Variants in TTC28 observed in about 807,000 individuals in gnomAD.
TTC28 encodes tetratricopeptide repeat domain 28.
A neutral mutation model predicts 198.0 loss-of-function variants in TTC28; 61 were observed. That is an observed-to-expected ratio of 0.31 (90% CI 0.25 to 0.38). The LOEUF (loss-of-function observed/expected upper bound fraction) is 0.38, where lower values mean the gene tolerates loss of function less well. Ranked by LOEUF, TTC28 falls within the 10% of genes least tolerant of loss-of-function variation. The pLI is 1.00. For missense variants in TTC28, 2,678 were observed against 3,164.0 expected, an observed-to-expected ratio of 0.85 and a Z score of 3.69; for synonymous variants, 1,171 against 1,297.8, an observed-to-expected ratio of 0.90 and a Z score of 2.10.
intron 2 of TTC28, among the ~76,000 whole-genome samples, chr22:28,559,385 T>G (rs2049835320): frequency 6.6e-6 from 1 of 152,216 alleles, no homozygotes; most frequent in East Asian, 1.9e-4. Flanking sequence ...ATTTACTCAT[T>G]CGAGTACTAT....
At chr22:28,649,802 A>G (rs1326580081) in intron 1 of TTC28, among the ~76,000 whole-genome samples, 1 of 152,234 alleles carries the variant, frequency 6.6e-6, no homozygotes, top group African/African-American at 2.4e-5. Flanking sequence ...CAACCAAGTT[A>G]CAAATACATG....
chr22:28,199,695 T>C lies in TTC28; in HGVS notation c.934-36096A>G, dbSNP rs963183073. Among the ~76,000 whole-genome samples, 4 of 151,760 alleles carry C rather than the reference T, an allele frequency of 2.6e-5. No homozygotes were observed. In the East Asian group the frequency reaches 5.8e-4, roughly 22 times the overall value. ...ACATTTTGGGCCAGACAGTTATCTG[T>C]AGCAGGAGATGTGTGGAGAGTTCTG... On this transcript the variant is annotated intron_variant, in intron 5 of 22. Coordinates refer to ENST00000397906, the MANE Select transcript of TTC28 (RefSeq NM_001145418.2).
At chr22:28,592,815 C>G (rs1555898633) in intron 2 of TTC28, among the ~76,000 whole-genome samples, 1 of 152,112 alleles carries the variant, frequency 6.6e-6, no homozygotes, top group Non-Finnish European at 1.5e-5. Context: ...AAAACCTACC[C>G]TTTTCTTAGA....
intron 2 of TTC28, among the ~76,000 whole-genome samples, chr22:28,411,690 T>C (rs141453109): frequency 2.8e-4 from 42 of 152,372 alleles, no homozygotes; most frequent in East Asian, 1.9e-3. Flanking sequence ...TGTGGTTGCA[T>C]AGGCAGTGAA....
intron 13 of TTC28, among the ~76,000 whole-genome samples, chr22:28,027,128 C>T (rs185347997): frequency 2.0e-3 from 302 of 152,256 alleles, no homozygotes; most frequent in African/African-American, 6.9e-3. Context: ...AAATACAACC[C>T]TGCACATACA....
intron 3 of TTC28, among the ~76,000 whole-genome samples, chr22:28,303,216 T>C (rs1459318137): frequency 2.0e-5 from 3 of 152,186 alleles, no homozygotes; most frequent in South Asian, 4.1e-4. Context: ...AATAAATCCA[T>C]GGTTGGCAGT....
chr22:28,398,038 A>G (rs2046843899), intron 2 of TTC28, among the ~76,000 whole-genome samples: 1 of 152,206 alleles, frequency 6.6e-6, no homozygotes, highest in African/African-American at 2.4e-5. Context: ...GTTCAGATCT[A>G]ATCTTCAAGG....
At position 27,985,290 on chromosome 22, in the gene TTC28, C is replaced by T. The variant is rs980635223; in HGVS notation, c.5774G>A (p.Arg1925Gln). The change falls in exon 22 of 23, where the codon CGG becomes CAG. Residue 1925 changes from arginine to glutamine, a missense_variant. Around this residue, in one of 8 missense-constraint regions of TTC28, gnomAD observed 314 missense variants for 442.7 expected, o/e 0.71. Transcript: ENST00000397906. The stretch of plus-strand genomic sequence containing the variant: ...GGACTGGAGCGCGAAGTGCACAGTC[C>T]GTCGATTAGCTTGCTTCCCGGTTTT... Reference protein sequence around the residue: ...ILKTGKQANRRTVHFALQSLL... With the variant: ...ILKTGKQANRQTVHFALQSLL... 9.0e-6 allele frequency: 14 copies of T among 1,551,394 alleles called. No individual in the cohort carries two copies. In the African/African-American group the frequency reaches 9.6e-5, roughly 11 times the overall value.
At chr22:28,599,794 T>A (rs1192875740) in intron 2 of TTC28, among the ~76,000 whole-genome samples, 1 of 152,120 alleles carries the variant, frequency 6.6e-6, no homozygotes, top group East Asian at 1.9e-4. Flanking sequence ...ACCAAAAGGT[T>A]AAAAGTCATT....
intron 2 of TTC28, among the ~76,000 whole-genome samples, chr22:28,371,509 C>CAAAAAAAAAAAAAAAAAAAAAAAAAAA (rs1229801209): frequency 4.9e-4 from 3 of 6,104 alleles, no homozygotes; most frequent in Non-Finnish European, 5.8e-4. Context: ...GACCCTGTCT[C>CAAAAAAAAAAAAAAAAAAAAAAAAAAA]AAAAAAAAAA....
chr22:28,537,636 T>G (rs1423454712), intron 2 of TTC28, among the ~76,000 whole-genome samples: 1 of 152,174 alleles, frequency 6.6e-6, no homozygotes, highest in East Asian at 1.9e-4. Flanking sequence ...AATTGAAATT[T>G]TGTACATGTT....
At chr22:28,133,520 A>C (rs984259034) in intron 6 of TTC28, among the ~76,000 whole-genome samples, 4 of 152,172 alleles carry the variant, frequency 2.6e-5, no homozygotes, top group Non-Finnish European at 5.9e-5. Context: ...CCTAATACTG[A>C]ACTTTTCCAA....
intron 5 of TTC28, among the ~76,000 whole-genome samples, chr22:28,215,384 C>G (rs575666226): frequency 6.6e-6 from 1 of 152,328 alleles, no homozygotes; most frequent in Admixed American, 6.5e-5. Flanking sequence ...GTGCTACTAT[C>G]TCACACACTA....
At chr22:28,270,219 A>G (rs1931965931) in intron 5 of TTC28, among the ~76,000 whole-genome samples, 1 of 152,234 alleles carries the variant, frequency 6.6e-6, no homozygotes, top group Admixed American at 6.5e-5. Context: ...CAAAGGGGGA[A>G]AAAACAAAAG....
intron 2 of TTC28, among the ~76,000 whole-genome samples, chr22:28,554,802 C>T (rs1012462921): frequency 2.6e-5 from 4 of 151,928 alleles, no homozygotes; most frequent in South Asian, 2.1e-4. Context: ...ACCTGGGAGG[C>T]GGAGGTTGCT....
At chr22:28,066,111 G>C (rs1037770125) in intron 12 of TTC28, among the ~76,000 whole-genome samples, 1 of 152,112 alleles carries the variant, frequency 6.6e-6, no homozygotes, top group Non-Finnish European at 1.5e-5. Context: ...TATTAAGACA[G>C]AGATATCTCT....
chr22:28,340,139 C>T (rs978295468), intron 2 of TTC28, among the ~76,000 whole-genome samples: 4 of 152,098 alleles, frequency 2.6e-5, no homozygotes, highest in African/African-American at 9.7e-5. Flanking sequence ...AAGGAACAAA[C>T]CTTGGGCTGG....
In TTC28 at chr22:28,412,702, C is replaced by CT. The variant is rs1039614577; in HGVS notation, c.382-106060dup. Among the ~76,000 whole-genome samples the CT allele has an allele frequency of 2.7e-4, 41 of 152,270 alleles. 2 individuals are homozygous for CT. The highest frequency in any genetic ancestry group is 9.4e-4 in the African/African-American group (39 of 41,554). On this transcript the variant is annotated intron_variant, in intron 2 of 22. Coordinates refer to ENST00000397906, the MANE Select transcript of TTC28 (RefSeq NM_001145418.2). ...TCTCAAAGTTTGTTAGTGTACTGTT[C>CT]TTACGTTCATTTCACAATTTCAGCA...
intron 2 of TTC28, among the ~76,000 whole-genome samples, chr22:28,434,793 T>G (rs995672032): frequency 2.0e-5 from 3 of 152,184 alleles, no homozygotes; most frequent in African/African-American, 7.2e-5. Context: ...GAAGAGTGTG[T>G]GTCCAAACAA....
Sources: allele counts gnomAD v4.1 joint callset (sites outside exome capture counted in the v4.1 genomes callset), GRCh38; gene constraint gnomAD v4.1.1; regional missense constraint gnomAD v4.1.1; transcripts MANE v1.5; gene names NCBI Gene and HGNC (gene_info 2026-07-23, HGNC 2026-07-21).